The following ZNF774 variants were observed in gnomAD, a reference collection of about 807,000 sequenced individuals.
ZNF774 encodes zinc finger protein 774.
In ZNF774, 14 loss-of-function variants were observed where a neutral mutation model predicts 11.1. The ratio of observed to expected loss-of-function variants is 1.26; its 90% CI spans 0.83 to 1.97. The LOEUF (loss-of-function observed/expected upper bound fraction) is 1.97. Among genes scored for constraint, ZNF774 ranks in the 30% most tolerant of loss-of-function variants. The pLI, the probability that ZNF774 is intolerant of heterozygous loss-of-function variation, is 0.00. For synonymous variants in ZNF774, 195 were observed against 212.6 expected, an observed-to-expected ratio of 0.92 and a Z score of 0.72; for missense variants, 599 against 587.0, an observed-to-expected ratio of 1.02 and a Z score of -0.21.
At chr15:90,354,408 G>C (rs921287875) in intron 1 of ZNF774, among the ~76,000 whole-genome samples, 2 of 152,186 alleles carry the variant, frequency 1.3e-5, no homozygotes, top group African/African-American at 4.8e-5. Context: ...GGGTTCTGTC[G>C]ATGTGTTTGG....
chr15:90,359,594 A>G (rs1441696975), intron 3 of ZNF774, among the ~76,000 whole-genome samples: 1 of 152,018 alleles, frequency 6.6e-6, no homozygotes, highest in Non-Finnish European at 1.5e-5. Context: ...AGCTGGGACT[A>G]TAGGCACCCG....
chr15:90,352,973 C>CTT (rs11431247), intron 1 of ZNF774, among the ~76,000 whole-genome samples: 11 of 146,608 alleles, frequency 7.5e-5, no homozygotes, highest in East Asian at 2.0e-4. Flanking sequence ...ACTCAAAACT[C>CTT]TTTTTTTTTT....
intron 2 of ZNF774, among the ~76,000 whole-genome samples, chr15:90,356,150 G>A (rs547342816): frequency 3.6e-5 from 5 of 138,768 alleles, no homozygotes; most frequent in Admixed American, 1.5e-4. Flanking sequence ...GCAGAGTCTC[G>A]CTGTGTCGCC....
Position 90,362,564 on chromosome 15 carries a change from T to C in ZNF774, c.*1281T>C. On this transcript the variant is annotated 3_prime_UTR_variant, in exon 4 of 4. Coordinates refer to ENST00000354377, the MANE Select transcript of ZNF774 (RefSeq NM_001004309.3). ...TTTTAGGGCCATCCAGGTTATGCAC[T>C]AGTACATTCCTACATTCAATTGAAA... 1 of 1,535,932 alleles carries C rather than the reference T, an allele frequency of 6.5e-7. No homozygotes were observed. Among genetic ancestry groups the C allele is most frequent in the South Asian group, 1.2e-5 (1 of 84,060 alleles).
In ZNF774 at chr15:90,361,251, CT is replaced by C; in HGVS notation, c.1424del (p.Leu475TyrfsTer8). ...CNKSFRQKAHLLCHQNTHLI is the reference protein window; with the variant it reads ...CNKSFRQKAHXLCHQNTHLI ...CAAGAGCTTCCGTCAGAAAGCGCAT[CT>C]TTTATGCCATCAAAACACCCATTTG... On this transcript the variant is annotated frameshift_variant, in exon 4 of 4. Transcript: ENST00000354377. LOFTEE classifies it high-confidence loss of function. 6.2e-7 allele frequency: 1 copy of C among 1,608,158 alleles called. No individual in the cohort carries two copies.
chr15:90,358,473 A>T (rs1261563927), intron 2 of ZNF774, among the ~76,000 whole-genome samples: 1 of 152,178 alleles, frequency 6.6e-6, no homozygotes, highest in Non-Finnish European at 1.5e-5. Context: ...GAAAATTTTA[A>T]AGCCCAACAT....
In ZNF774 at chr15:90,361,343, C is replaced by T. The variant is rs1417424474; in HGVS notation, c.*60C>T. 1.3e-6 allele frequency: 2 copies of T among 1,521,320 alleles called. No homozygotes were observed. Among genetic ancestry groups the T allele is most frequent in the African/African-American group, 2.8e-5 (2 of 71,994 alleles). 94.2% of individuals were successfully genotyped at this position (1,521,320 alleles called of 1,614,324 possible). ...CATTTTCATTGCTACTGTCTTCAAG[C>T]ACCCCAAATAGAGAAAACCTGGGCG... On this transcript the variant is annotated 3_prime_UTR_variant, in exon 4 of 4. Coordinates refer to ENST00000354377, the MANE Select transcript of ZNF774 (RefSeq NM_001004309.3).
At chr15:90,359,133 C>T (rs376221719) in intron 3 of ZNF774, among the ~76,000 whole-genome samples, 176 bp downstream of exon 3, 58 of 144,366 alleles carry the variant, frequency 4.0e-4, no homozygotes, top group East Asian at 2.9e-3. Context: ...ACTGCAGTGG[C>T]GCAATCTCGG....
intron 1 of ZNF774, 118 bp from the exon 2 acceptor site, chr15:90,354,524 A>G: frequency 1.6e-6 from 1 of 642,838 alleles, no homozygotes; most frequent in Non-Finnish European, 2.8e-6. Flanking sequence ...TTACCTCAGG[A>G]CCATTCTGGT....
chr15:90,354,624 T>G lies in ZNF774; in HGVS notation c.-19-18T>G. ...TATCTAGGGAGCTACTGATGCACATTGAGGTCTCTTGCTTTAGGAACTGAT... is the reference window on the plus strand; with the variant it reads ...TATCTAGGGAGCTACTGATGCACATGGAGGTCTCTTGCTTTAGGAACTGAT... On this transcript the variant is annotated intron_variant, in intron 1 of 3. Coordinates refer to ENST00000354377, the MANE Select transcript of ZNF774 (RefSeq NM_001004309.3). 84 of 1,500,056 alleles carry G rather than the reference T, an allele frequency of 5.6e-5. No homozygotes were observed. Among genetic ancestry groups the G allele is most frequent in the Non-Finnish European group, 7.1e-5 (77 of 1,090,150 alleles). The allele number at this position is 1,500,056 out of a possible 1,614,324, so 92.9% of individuals were successfully genotyped here. A position where few individuals can be genotyped will look rare whatever the true frequency, so the allele number is the denominator to read the frequency against.
chr15:90,354,804 GT>G (rs772412649), intron 2 of ZNF774, 40 bp downstream of exon 2: 20 of 1,522,556 alleles, frequency 1.3e-5, no homozygotes, highest in East Asian at 2.3e-5. Flanking sequence ...TATTTATCTT[GT>G]TTTTTTTGAG....
chr15:90,353,956 C>T (rs1964209009), intron 1 of ZNF774, among the ~76,000 whole-genome samples: 3 of 152,126 alleles, frequency 2.0e-5, no homozygotes, highest in Admixed American at 2.0e-4. Flanking sequence ...TAATGTTTTT[C>T]ATGATATTGC....
chr15:90,360,584 A>G lies in ZNF774; in HGVS notation c.753A>G (p.Ile251Met), dbSNP rs1964316048. 6.2e-7 allele frequency: 1 copy of G among 1,613,688 alleles called. No individual in the cohort carries two copies. The highest frequency in any genetic ancestry group is 2.2e-5 in the East Asian group (1 of 44,862). Reference protein sequence around the residue: ...GKTFGRKPHLIMHQRTHTGEK... With the variant: ...GKTFGRKPHLMMHQRTHTGEK... ...CTTTTGGGCGGAAGCCACACCTCAT[A>G]ATGCACCAAAGAACCCACACAGGCG... The change falls in exon 4 of 4, where the codon ATA (isoleucine) becomes ATG (methionine). Residue 251 changes from isoleucine to methionine, a missense_variant. Physicochemically the swap from Ile to Met is conservative, Grantham distance 10. Transcript: ENST00000354377.
Position 90,360,337 on chromosome 15 carries a change from A to G in ZNF774, c.506A>G (p.His169Arg), listed in dbSNP as rs1964309766. The G allele has an allele frequency of 1.9e-6, 3 of 1,614,078 alleles. No individual in the cohort carries two copies. The highest frequency in any genetic ancestry group is 2.5e-6 in the Non-Finnish European group (3 of 1,180,044). Residue 169 changes from histidine to arginine, a missense_variant, in exon 4 of 4, where the codon CAC becomes CGC. Coordinates refer to ENST00000354377, the MANE Select transcript of ZNF774 (RefSeq NM_001004309.3). ...SFNQSSYLIR[H>R]LRTHTGERPY... ...AACCAGAGTTCCTATCTCATAAGAC[A>G]CCTAAGAACCCACACTGGCGAGAGG...
intron 2 of ZNF774, 77 bp from the exon 3 acceptor site, chr15:90,358,774 G>A (rs1596230920): frequency 8.6e-7 from 1 of 1,156,400 alleles, no homozygotes; most frequent in Non-Finnish European, 1.3e-6. Context: ...TACCTAGGCA[G>A]GGAGTAGGGC....
At position 90,361,605 on chromosome 15, in the gene ZNF774, G is replaced by C; in HGVS notation, c.*322G>C. On this transcript the variant is annotated 3_prime_UTR_variant, in exon 4 of 4. Coordinates refer to ENST00000354377, the MANE Select transcript of ZNF774 (RefSeq NM_001004309.3). Reference sequence around the variant, plus strand: ...AGGTGGGTGGATCACTTGAGGTCAGGAGTTGAGACCAGCCTGGTGAGCATG... The same window carrying C: ...AGGTGGGTGGATCACTTGAGGTCAGCAGTTGAGACCAGCCTGGTGAGCATG... 4.5e-6 allele frequency: 4 copies of C among 880,224 alleles called. No homozygotes were observed. Among genetic ancestry groups the C allele is most frequent in the Non-Finnish European group, 5.6e-6 (4 of 713,022 alleles). The allele number at this position is 880,224 out of a possible 1,614,324, so 54.5% of individuals were successfully genotyped here.
Position 90,361,138 on chromosome 15 carries a change from G to T in ZNF774, c.1307G>T (p.Cys436Phe), listed in dbSNP as rs774402107. ...GACAGGCCCTATCGATGTCCTGAGT[G>T]TGGCAAGACCTTCAATCAGCGTTCC... ...LGDRPYRCPECGKTFNQRSHF... is the reference protein window; with the variant it reads ...LGDRPYRCPEFGKTFNQRSHF... The change falls in exon 4 of 4, where the codon TGT becomes TTT. Residue 436 changes from cysteine to phenylalanine, a missense_variant. Cys to Phe is a radical substitution (Grantham distance 205, BLOSUM62 -2). Transcript: ENST00000354377. The T allele has an allele frequency of 1.2e-6, 2 of 1,611,084 alleles. No individual in the cohort carries two copies.
intron 2 of ZNF774, among the ~76,000 whole-genome samples, chr15:90,356,049 A>T (rs377030189): frequency 4.7e-4 from 71 of 150,488 alleles, no homozygotes; most frequent in Non-Finnish European, 8.0e-4. Flanking sequence ...AATAAATAAA[A>T]AAAACCAAAA....
In ZNF774 at chr15:90,362,519, TTAATA is replaced by T. The variant is rs775971749; in HGVS notation, c.*1241_*1245del. ...GGGTCATTGGCCATTTAGTTTTAGG[TTAATA>T]TAATTCTCTGATCCTTTTAGGGCCA... is the stretch of plus-strand genomic sequence containing the variant. On this transcript the variant is annotated 3_prime_UTR_variant, in exon 4 of 4. Coordinates refer to ENST00000354377, the MANE Select transcript of ZNF774 (RefSeq NM_001004309.3). 6.5e-7 allele frequency: 1 copy of T among 1,534,888 alleles called. No homozygotes were observed. The highest frequency in any genetic ancestry group is 1.2e-5 in the South Asian group (1 of 84,040).
Sources: gnomAD v4.1 joint callset for allele counts (sites outside exome capture counted in the v4.1 genomes callset) on GRCh38, gnomAD v4.1.1 for gene constraint, MANE v1.5 for transcripts, NCBI Gene and HGNC (gene_info 2026-07-23, HGNC 2026-07-21) for gene names.